The following FUT8 variants were observed in gnomAD, a reference collection of about 807,000 sequenced individuals.
FUT8 encodes the protein fucosyltransferase 8.
Under a neutral mutation model 71.3 loss-of-function variants are expected in FUT8, and 29 were observed. The ratio of observed to expected loss-of-function variants is 0.41; its 90% CI spans 0.30 to 0.55. The LOEUF is 0.55. Among genes scored for constraint, FUT8 ranks in the 20% least tolerant of loss-of-function variants. FUT8 has a pLI of 0.34. For synonymous variants in FUT8, 254 were observed against 239.3 expected, an observed-to-expected ratio of 1.06 and a Z score of -0.57; for missense variants, 544 against 702.1, an observed-to-expected ratio of 0.77 and a Z score of 2.55.
At chr14:65,555,507 A>G (rs1449422838) in intron 2 of FUT8, among the ~76,000 whole-genome samples, 1 of 151,898 alleles carries the variant, frequency 6.6e-6, no homozygotes, top group East Asian at 1.9e-4. Context: ...CTGAGTATCT[A>G]CCTCCTCTTT....
intron 1 of FUT8, among the ~76,000 whole-genome samples, chr14:65,442,397 C>G (rs975693778): frequency 2.6e-5 from 4 of 151,750 alleles, no homozygotes; most frequent in African/African-American, 9.7e-5. Flanking sequence ...GTCTCAATCT[C>G]CTGACCTCAT....
chr14:65,451,212 G>A (rs753752044), intron 1 of FUT8, among the ~76,000 whole-genome samples: 57 of 152,230 alleles, frequency 3.7e-4, no homozygotes, highest in Admixed American at 1.1e-3. Context: ...ACGGGTGTGG[G>A]AATTGGAGTG....
intron 2 of FUT8, among the ~76,000 whole-genome samples, chr14:65,462,334 C>G (rs370896673): frequency 3.3e-5 from 5 of 152,238 alleles, no homozygotes; most frequent in African/African-American, 1.2e-4. Context: ...TGTTTTTCAA[C>G]TTGAATAGTG....
At chr14:65,468,013 T>C in intron 2 of FUT8, 1 of 685,498 alleles carries the variant, frequency 1.5e-6, no homozygotes, top group Non-Finnish European at 2.7e-6. Flanking sequence ...ATGTGCTCAA[T>C]ACGCACATTA....
In FUT8 at chr14:65,724,211, A is replaced by G; in HGVS notation, c.1147A>G (p.Met383Val). 4 of 1,613,650 alleles carry G rather than the reference A, an allele frequency of 2.5e-6. No individual in the cohort carries two copies. The highest frequency in any genetic ancestry group is 1.7e-5 in the Admixed American group (1 of 59,886). ...TGCCTTCCATCCCATTGAAGAGTAC[A>G]TGGTGCATGTTGAAGAACATTTTCA... Reference protein sequence around the residue: ...EAAFHPIEEYMVHVEEHFQLL... With the variant: ...EAAFHPIEEYVVHVEEHFQLL... The change falls in exon 9 of 11, where the codon ATG (methionine) becomes GTG (valine). Residue 383 changes from methionine (M) to valine (V), a missense_variant. Coordinates refer to ENST00000673929, the MANE Select transcript of FUT8 (RefSeq NM_001371533.1).
intron 10 of FUT8, among the ~76,000 whole-genome samples, chr14:65,741,853 G>A (rs903492652): frequency 3.9e-5 from 6 of 151,910 alleles, no homozygotes; most frequent in Non-Finnish European, 5.9e-5. Context: ...GAGATAGAGA[G>A]ATTTTAATTG....
At chr14:65,456,160 T>A (rs1424504376) in intron 2 of FUT8, among the ~76,000 whole-genome samples, 2 of 152,220 alleles carry the variant, frequency 1.3e-5, no homozygotes, top group South Asian at 2.1e-4. Context: ...TTCATTCTAT[T>A]AATTTTGACA....
At chr14:65,561,914 G>A in intron 3 of FUT8, 148 bp downstream of exon 3, 1 of 704,868 alleles carries the variant, frequency 1.4e-6, no homozygotes, top group Non-Finnish European at 2.3e-6. Flanking sequence ...CTATCTCTGT[G>A]TATTTAATAC....
the FUT8 span, among the ~76,000 whole-genome samples, chr14:65,371,410 T>C: frequency 1.1e-3 from 167 of 152,358 alleles, no homozygotes; most frequent in African/African-American, 3.6e-3. Flanking sequence ...AATATTTAGA[T>C]CCCATTCAAG....
At chr14:65,725,423 C>T (rs1290113599) in intron 9 of FUT8, among the ~76,000 whole-genome samples, 1 of 148,426 alleles carries the variant, frequency 6.7e-6, no homozygotes. Context: ...TGATTGGACA[C>T]TTCTTATAGG....
chr14:65,710,348 A>C (rs943327675), intron 7 of FUT8, among the ~76,000 whole-genome samples: 1 of 152,172 alleles, frequency 6.6e-6, no homozygotes, highest in Non-Finnish European at 1.5e-5. Context: ...TTTCTTTTAG[A>C]TTAAAATTCT....
rs1297682613 is a variant in FUT8 at position 65,660,024 on chromosome 14, G to A, written c.598-9219G>A. 3.3e-5 allele frequency among the ~76,000 whole-genome samples: 5 copies of A among 152,170 alleles called. No individual in the cohort carries two copies. Among genetic ancestry groups the A allele is most frequent in the Non-Finnish European group, 7.4e-5 (5 of 68,018 alleles). ...ATTTTCTGTGCATTTATATAGGATT[G>A]TCAGATTCTGGCTCCTCATGTAACT... On this transcript the variant is annotated intron_variant, in intron 6 of 10. Coordinates refer to ENST00000673929, the MANE Select transcript of FUT8 (RefSeq NM_001371533.1). The surrounding 1 kb of genome is among the most constrained non-coding windows in gnomAD (Gnocchi z 4.1).
chr14:65,718,777 A>C (rs958982555), intron 7 of FUT8, among the ~76,000 whole-genome samples: 1 of 152,104 alleles, frequency 6.6e-6, no homozygotes, highest in Non-Finnish European at 1.5e-5. Context: ...TCAGTAGTTT[A>C]TGTCATACCA....
chr14:65,466,365 C>A (rs1279945315), intron 2 of FUT8, among the ~76,000 whole-genome samples: 1 of 151,958 alleles, frequency 6.6e-6, no homozygotes, highest in Non-Finnish European at 1.5e-5. Flanking sequence ...TTTCGTCTTT[C>A]ACTTTGTCTC....
chr14:65,646,815 T>C (rs1342459514), intron 6 of FUT8, among the ~76,000 whole-genome samples: 1 of 152,162 alleles, frequency 6.6e-6, no homozygotes, highest in Non-Finnish European at 1.5e-5. Flanking sequence ...AAGTCATAAA[T>C]GCATACAAAT....
intron 6 of FUT8, among the ~76,000 whole-genome samples, chr14:65,662,259 A>T (rs1892002900): frequency 6.6e-6 from 1 of 152,138 alleles, no homozygotes; most frequent in Admixed American, 6.5e-5. Flanking sequence ...AAAAAACTAA[A>T]AAAGTTAGCT....
chr14:65,729,210 G>A lies in FUT8; in HGVS notation c.1260-4021G>A, dbSNP rs146339064. On this transcript the variant is annotated intron_variant, in intron 9 of 10. Transcript: ENST00000673929. ...CCAGCTAATTTTTTATGGTAGAGAC[G>A]GGATTGCATGTTGCTCAGGCTGGTC... Among the ~76,000 whole-genome samples the A allele has an allele frequency of 7.0e-4, 106 of 151,650 alleles. 1 individual carries two copies. Among genetic ancestry groups the A allele is most frequent in the African/African-American group, 1.9e-3 (79 of 41,340 alleles).
At chr14:65,564,807 AC>A (rs1462663949) in intron 3 of FUT8, among the ~76,000 whole-genome samples, 1 of 151,972 alleles carries the variant, frequency 6.6e-6, no homozygotes, top group Non-Finnish European at 1.5e-5. Context: ...TTTTTCACTT[AC>A]TATAATGTTT....
intron 2 of FUT8, among the ~76,000 whole-genome samples, chr14:65,521,315 AAAT>A (rs1207457397): frequency 4.6e-5 from 7 of 152,210 alleles, no homozygotes; most frequent in African/African-American, 1.4e-4. Flanking sequence ...TGTTACATAA[AAAT>A]GTATGAGTAT....
Sources: allele counts gnomAD v4.1 joint callset (sites outside exome capture counted in the v4.1 genomes callset), GRCh38; gene constraint gnomAD v4.1.1; non-coding constraint Gnocchi (gnomAD v3.1); transcripts MANE v1.5; gene names NCBI Gene and HGNC (gene_info 2026-07-23, HGNC 2026-07-21).